The following RGS6 variants were observed in gnomAD, a reference collection of about 807,000 sequenced individuals.
RGS6 encodes regulator of G protein signaling 6, also known as regulator of G-protein signaling 6.
RGS6 carries 30 observed loss-of-function variants against 78.5 expected under a neutral mutation model. That is an observed-to-expected ratio of 0.38 (90% CI 0.29 to 0.52). RGS6 has a LOEUF of 0.52. RGS6 is among the 20% of genes least tolerant of loss of function. RGS6 has a pLI of 0.85. For missense variants in RGS6, 495 were observed against 609.7 expected, an observed-to-expected ratio of 0.81 and a Z score of 1.98; for synonymous variants, 206 against 206.0, an observed-to-expected ratio of 1.00 and a Z score of 0.00.
chr14:71,991,695 CAGAAAT>C (rs1311261875), intron 2 of RGS6, among the ~76,000 whole-genome samples: 5 of 152,182 alleles, frequency 3.3e-5, no homozygotes, highest in Non-Finnish European at 5.9e-5. Flanking sequence ...CATATTTTAA[CAGAAAT>C]AGAGACTTAC....
At chr14:71,947,528 A>T (rs1037569358) in intron 1 of RGS6, among the ~76,000 whole-genome samples, 1 of 152,138 alleles carries the variant, frequency 6.6e-6, no homozygotes, top group African/African-American at 2.4e-5. Context: ...TCTGTTGCCC[A>T]GGCTGGATTG....
At chr14:72,478,426 T>A (rs1034722099) in intron 12 of RGS6, 97 bp downstream of exon 12, 2 of 879,672 alleles carry the variant, frequency 2.3e-6, no homozygotes, top group African/African-American at 1.7e-5. Context: ...ATGCCAAGAG[T>A]TAGACTGTAG....
At chr14:72,291,347 C>A (rs144940075) in intron 2 of RGS6, among the ~76,000 whole-genome samples, 2 of 152,192 alleles carry the variant, frequency 1.3e-5, no homozygotes, top group African/African-American at 4.8e-5. Context: ...TCTATTAGTT[C>A]TTCATGGCTG....
Position 72,182,206 on chromosome 14 carries a change from G to A in RGS6, c.85-169889G>A, listed in dbSNP as rs1026060625. On this transcript the variant is annotated intron_variant, in intron 2 of 17. Transcript: ENST00000553525. Reference sequence around the variant, plus strand: ...GGGCGGATCATGCGGTCAAGAGATCGAGACTATCCTGGCTAACATGGTGAA... The same window carrying A: ...GGGCGGATCATGCGGTCAAGAGATCAAGACTATCCTGGCTAACATGGTGAA... 2.6e-5 allele frequency among the ~76,000 whole-genome samples: 4 copies of A among 151,998 alleles called. No homozygotes were observed. The East Asian group carries it at 7.7e-4, about 29-fold the overall frequency.
chr14:72,621,903 G>A, the RGS6 span, among the ~76,000 whole-genome samples: 1 of 152,208 alleles, frequency 6.6e-6, no homozygotes, highest in Non-Finnish European at 1.5e-5. Flanking sequence ...GCAGACTCAT[G>A]GGAGGGAGAG....
chr14:72,485,631 T>C (rs559719546), intron 12 of RGS6, among the ~76,000 whole-genome samples: 1 of 152,350 alleles, frequency 6.6e-6, no homozygotes, highest in East Asian at 1.9e-4. Context: ...CATTCCCTTT[T>C]CAACTGTATT....
intron 17 of RGS6, chr14:72,550,497 A>T (rs1024489306): frequency 6.5e-7 from 1 of 1,535,612 alleles, no homozygotes; most frequent in East Asian, 2.4e-5. Flanking sequence ...CCTGGCCTTA[A>T]CATCATAGCA....
At chr14:71,878,880 C>T in the RGS6 span, among the ~76,000 whole-genome samples, 4 of 152,320 alleles carry the variant, frequency 2.6e-5, no homozygotes, top group African/African-American at 7.2e-5. Flanking sequence ...TCATCCTTGC[C>T]ATAGCTCCCT....
At chr14:71,976,659 C>G (rs553909547) in intron 2 of RGS6, among the ~76,000 whole-genome samples, 1 of 152,282 alleles carries the variant, frequency 6.6e-6, no homozygotes, top group South Asian at 2.1e-4. Flanking sequence ...TCCAGTCTAT[C>G]ATTGTTGGAC....
intron 2 of RGS6, among the ~76,000 whole-genome samples, chr14:72,152,872 G>GA (rs2096714569): frequency 1.3e-5 from 2 of 152,010 alleles, no homozygotes; most frequent in African/African-American, 4.8e-5. Flanking sequence ...TGAAGGGTGA[G>GA]AAAAATGGAA....
the RGS6 span, among the ~76,000 whole-genome samples, chr14:71,915,046 G>C: frequency 2.0e-5 from 3 of 150,936 alleles, no homozygotes; most frequent in Non-Finnish European, 4.4e-5. Context: ...TCAGGAGTTT[G>C]AGACAAGCCT....
Position 72,351,350 on chromosome 14 carries a change from G to A in RGS6, c.85-745G>A, listed in dbSNP as rs558507699. On this transcript the variant is annotated intron_variant, in intron 2 of 17. Coordinates refer to ENST00000553525, the MANE Select transcript of RGS6 (RefSeq NM_001204424.2). ...ACTACAAATTGGTTTTCCGGTTTAGGCACCTACACCCTCATCAGTCCATCC... is the reference window on the plus strand; with the variant it reads ...ACTACAAATTGGTTTTCCGGTTTAGACACCTACACCCTCATCAGTCCATCC... 2.6e-5 allele frequency among the ~76,000 whole-genome samples: 4 copies of A among 152,042 alleles called. No homozygotes were observed. In the South Asian group the frequency reaches 6.2e-4, roughly 24 times the overall value.
chr14:72,157,823 C>A (rs1467727986), intron 2 of RGS6, among the ~76,000 whole-genome samples: 1 of 152,048 alleles, frequency 6.6e-6, no homozygotes, highest in Admixed American at 6.5e-5. Flanking sequence ...GACCACCATT[C>A]CTTTGTTCAT....
chr14:72,544,765 C>G (rs534564360), intron 17 of RGS6, among the ~76,000 whole-genome samples: 2 of 152,330 alleles, frequency 1.3e-5, no homozygotes, highest in East Asian at 3.9e-4. Context: ...TTCCATCCCC[C>G]TGTTCCTTCC....
chr14:72,180,038 G>T (rs558482135), intron 2 of RGS6, among the ~76,000 whole-genome samples: 1 of 152,308 alleles, frequency 6.6e-6, no homozygotes, highest in African/African-American at 2.4e-5. Context: ...AGTGATAGTT[G>T]TATTTTCAGG....
chr14:72,306,658 G>T (rs1315357893), intron 2 of RGS6, among the ~76,000 whole-genome samples: 5 of 152,202 alleles, frequency 3.3e-5, no homozygotes, highest in Non-Finnish European at 7.4e-5. Context: ...CACTGCAAAT[G>T]AGGTGGAAAT....
rs552323400 is a variant in RGS6 at position 72,220,473 on chromosome 14, G to A, written c.85-131622G>A. 6.4e-4 allele frequency among the ~76,000 whole-genome samples: 97 copies of A among 152,268 alleles called. 1 individual carries two copies. Among genetic ancestry groups the A allele is most frequent in the Middle Eastern group, 3.4e-3 (1 of 294 alleles). ...GGACTGTCAAGTAAATGGGAACCTG[G>A]GGTTAGCTATTTAACATAGTTGAGT... On this transcript the variant is annotated intron_variant, in intron 2 of 17. Coordinates refer to ENST00000553525, the MANE Select transcript of RGS6 (RefSeq NM_001204424.2).
intron 2 of RGS6, among the ~76,000 whole-genome samples, chr14:72,095,382 C>G (rs1020405086): frequency 6.6e-6 from 1 of 152,066 alleles, no homozygotes; most frequent in African/African-American, 2.4e-5. Context: ...GTCTTTCAGC[C>G]TTTATCGTTG....
Position 72,285,752 on chromosome 14 carries a change from C to T in RGS6, c.85-66343C>T, listed in dbSNP as rs570920489. ...CTCATTGTATTTTTGATGTGCATTT[C>T]TCTCATGATTGGCAATGTTGACCAA... On this transcript the variant is annotated intron_variant, in intron 2 of 17. Transcript: ENST00000553525. Among the ~76,000 whole-genome samples, 14 of 152,310 alleles carry T rather than the reference C, an allele frequency of 9.2e-5. No individual in the cohort carries two copies. The South Asian group carries it at 2.7e-3, about 29-fold the overall frequency.
Sources: gnomAD v4.1 joint callset for allele counts (sites outside exome capture counted in the v4.1 genomes callset) on GRCh38, gnomAD v4.1.1 for gene constraint, MANE v1.5 for transcripts, NCBI Gene and HGNC (gene_info 2026-07-23, HGNC 2026-07-21) for gene names.